The following PGBD2 variants were observed in gnomAD, a reference collection of about 807,000 sequenced individuals.
PGBD2 encodes the protein piggyBac transposable element-derived protein 2.
Under a neutral mutation model 8.1 loss-of-function variants are expected in PGBD2, and 6 were observed. The observed-to-expected ratio is 0.74, with a 90% confidence interval of 0.40 to 1.46. The LOEUF (loss-of-function observed/expected upper bound fraction) is 1.46. PGBD2 is among the 40% of genes most tolerant of loss of function. The probability of loss-of-function intolerance (pLI) is 0.02; values close to 1 mark genes in which losing one functional copy is unlikely to be tolerated. For missense variants in PGBD2, 802 were observed against 739.0 expected, an observed-to-expected ratio of 1.09 and a Z score of -0.99; for synonymous variants, 318 against 272.2, an observed-to-expected ratio of 1.17 and a Z score of -1.66.
At chr1:248,892,307 C>T in the PGBD2 span, among the ~76,000 whole-genome samples, 1 of 132,956 alleles carries the variant, frequency 7.5e-6, no homozygotes, top group Non-Finnish European at 1.5e-5. Context: ...TCCCTTCCTT[C>T]CTTCTTTCCT....
the PGBD2 span, among the ~76,000 whole-genome samples, chr1:248,879,616 T>G: frequency 6.6e-6 from 1 of 152,080 alleles, no homozygotes; most frequent in African/African-American, 2.4e-5. Flanking sequence ...CCCAGGCTGG[T>G]CTCCAACTCC....
chr1:248,872,961 A>G, the PGBD2 span, among the ~76,000 whole-genome samples: 1 of 152,170 alleles, frequency 6.6e-6, no homozygotes, highest in South Asian at 2.1e-4. Context: ...TGCACAGTCT[A>G]AAAATAGAAC....
chr1:248,884,251 C>T, the PGBD2 span, among the ~76,000 whole-genome samples: 1 of 151,918 alleles, frequency 6.6e-6, no homozygotes, highest in African/African-American at 2.4e-5. Context: ...TATTCTAAGC[C>T]AATATAAGTG....
At chr1:248,901,566 CT>C (rs1293649373), upstream of PGBD2, among the ~76,000 whole-genome samples, 1 of 152,156 alleles carries the variant, frequency 6.6e-6, no homozygotes, top group Non-Finnish European at 1.5e-5. Flanking sequence ...GGACCCCATC[CT>C]TACACTTTAT....
chr1:248,873,942 T>G, the PGBD2 span, among the ~76,000 whole-genome samples: 1 of 152,198 alleles, frequency 6.6e-6, no homozygotes, highest in Admixed American at 6.5e-5. Flanking sequence ...AGGCGTGGGT[T>G]CGAATCCCAC....
In PGBD2 at chr1:248,913,835, A is replaced by G; in HGVS notation, c.-28A>G. 6.3e-7 allele frequency: 1 copy of G among 1,596,644 alleles called. No individual in the cohort carries two copies. Among genetic ancestry groups the G allele is most frequent in the Non-Finnish European group, 8.6e-7 (1 of 1,164,048 alleles). On this transcript the variant is annotated 5_prime_UTR_variant, in exon 2 of 3. Transcript: ENST00000329291. ...TTACAGGTTCTTAGACTCTGTGAGT[A>G]AAGACAGCTTCATCTTCCCAGTTCA... is the stretch of plus-strand genomic sequence containing the variant.
At chr1:248,894,233 C>A in the PGBD2 span, among the ~76,000 whole-genome samples, 1 of 151,896 alleles carries the variant, frequency 6.6e-6, no homozygotes, top group African/African-American at 2.4e-5. Flanking sequence ...CTTTGTAATG[C>A]TGAAACTTTT....
At chr1:248,905,269 A>C (rs1174793505), upstream of PGBD2, among the ~76,000 whole-genome samples, 1 of 151,750 alleles carries the variant, frequency 6.6e-6, no homozygotes. Flanking sequence ...TGGAGAAGCA[A>C]ATACAAACTC....
chr1:248,882,821 C>T, the PGBD2 span, among the ~76,000 whole-genome samples: 3 of 152,198 alleles, frequency 2.0e-5, no homozygotes, highest in Non-Finnish European at 4.4e-5. Context: ...GCAGTCCAAC[C>T]TGGCATTGTC....
the PGBD2 span, among the ~76,000 whole-genome samples, chr1:248,875,237 A>T: frequency 6.7e-6 from 1 of 148,568 alleles, no homozygotes; most frequent in South Asian, 2.2e-4. Flanking sequence ...CGGAGGTTGC[A>T]GTGAGCCGAG....
chr1:248,896,362 C>T, the PGBD2 span, among the ~76,000 whole-genome samples: 2 of 151,070 alleles, frequency 1.3e-5, no homozygotes, highest in South Asian at 4.2e-4. Context: ...TTCATATATA[C>T]ATATATATAT....
At chr1:248,879,576 T>C in the PGBD2 span, among the ~76,000 whole-genome samples, 1 of 152,048 alleles carries the variant, frequency 6.6e-6, no homozygotes, top group African/African-American at 2.4e-5. Context: ...TTTTCTTATC[T>C]TTTGTAGAGA....
At chr1:248,926,434 A>C in the PGBD2 span, among the ~76,000 whole-genome samples, 1 of 152,140 alleles carries the variant, frequency 6.6e-6, no homozygotes, top group Non-Finnish European at 1.5e-5. Flanking sequence ...CTGCTAAGTC[A>C]TGGACAAAAT....
At chr1:248,903,217 G>A (rs1661564232), upstream of PGBD2, among the ~76,000 whole-genome samples, 1 of 151,934 alleles carries the variant, frequency 6.6e-6, no homozygotes, top group African/African-American at 2.4e-5. Context: ...TTTTCTTTTA[G>A]AGACAGGGTC....
At chr1:248,912,164 G>A (rs1196519594) in intron 1 of PGBD2, among the ~76,000 whole-genome samples, 1 of 152,058 alleles carries the variant, frequency 6.6e-6, no homozygotes. Flanking sequence ...GTGTGCATGT[G>A]CAAATCCCCC....
At chr1:248,878,268 C>T in the PGBD2 span, among the ~76,000 whole-genome samples, 33 of 151,984 alleles carry the variant, frequency 2.2e-4, no homozygotes, top group African/African-American at 8.0e-4. Flanking sequence ...CAAGCTCCGC[C>T]TCCCGAGTTC....
chr1:248,894,702 CTT>C, the PGBD2 span, among the ~76,000 whole-genome samples: 2 of 140,396 alleles, frequency 1.4e-5, no homozygotes, highest in Non-Finnish European at 3.0e-5. Context: ...TCCCTCCCTC[CTT>C]TCTTTCTTGC....
At chr1:248,887,677 T>A in the PGBD2 span, among the ~76,000 whole-genome samples, 12 of 152,236 alleles carry the variant, frequency 7.9e-5, no homozygotes, top group Middle Eastern at 3.4e-3. Context: ...TTGTAAAAAA[T>A]TTAATTTTAA....
At chr1:248,915,165 T>C (rs980388765) in intron 2 of PGBD2, among the ~76,000 whole-genome samples, 2 of 152,216 alleles carry the variant, frequency 1.3e-5, no homozygotes, top group African/African-American at 4.8e-5. Flanking sequence ...GTCTGTTGAT[T>C]TGTTGTCTGA....
Sources: allele counts gnomAD v4.1 joint callset (sites outside exome capture counted in the v4.1 genomes callset), GRCh38; gene constraint gnomAD v4.1.1; transcripts MANE v1.5; gene names NCBI Gene and HGNC (gene_info 2026-07-23, HGNC 2026-07-21).